LYPLAL1: variants seen among roughly 807,000 people sequenced by gnomAD.
LYPLAL1 encodes lysophospholipase-like protein 1.
Under a neutral mutation model 19.7 loss-of-function variants are expected in LYPLAL1, and 23 were observed. That is an observed-to-expected ratio of 1.17 (90% CI 0.84 to 1.65). LYPLAL1 has a LOEUF of 1.65. LYPLAL1 is among the 40% of genes most tolerant of loss of function. The pLI is 0.00. For missense variants in LYPLAL1, 355 were observed against 279.4 expected (o/e 1.27, Z -1.93); for synonymous variants, 119 against 96.3 (o/e 1.24, Z -1.38).
chr1:219,257,869 AG>A, the LYPLAL1 span, among the ~76,000 whole-genome samples: 1 of 152,038 alleles, frequency 6.6e-6, no homozygotes, highest in African/African-American at 2.4e-5. Context: ...GCAGGAGACC[AG>A]GGCATATTTC....
rs781264234 is a variant in LYPLAL1, at chr1:219,173,934, C to T, written c.44C>T (p.Ser15Leu). 3 of 1,613,778 alleles carry T rather than the reference C, an allele frequency of 1.9e-6. No homozygotes were observed. The highest frequency in any genetic ancestry group is 1.7e-5 in the Admixed American group (1 of 60,012). ...TCGGTTCTGCAGCGCTGTATCGTGTCGCCGGCAGGGAGGCATAGCGCCTCT... is the reference window on the plus strand; with the variant it reads ...TCGGTTCTGCAGCGCTGTATCGTGTTGCCGGCAGGGAGGCATAGCGCCTCT... Reference protein sequence around the residue: ...SGSVLQRCIVSPAGRHSASLI... With the variant: ...SGSVLQRCIVLPAGRHSASLI... The change falls in exon 1 of 5, where the codon TCG becomes TTG. Residue 15 changes from serine to leucine, a missense_variant. Ser to Leu is a moderately radical substitution (Grantham distance 145). Transcript: ENST00000366928.
At chr1:219,269,984 C>G in the LYPLAL1 span, among the ~76,000 whole-genome samples, 1 of 152,154 alleles carries the variant, frequency 6.6e-6, no homozygotes, top group African/African-American at 2.4e-5. Context: ...GGCTATAATA[C>G]TTGATTGAGA....
the LYPLAL1 span, among the ~76,000 whole-genome samples, chr1:219,293,885 C>T: frequency 0.32 from 49,037 of 152,064 alleles, 8,363 homozygotes; most frequent in East Asian, 0.6. Context: ...ACAATAAAAA[C>T]ATCCATTACA....
In LYPLAL1 at chr1:219,199,775, C is replaced by T. The variant is rs571543586; in HGVS notation, c.361+6524C>T. ...GACTACAGGCGCCTGCCACCACGCC[C>T]GGCTAATTTTTTGTATTTTTGTGGA... On this transcript the variant is annotated intron_variant, in intron 3 of 4. Coordinates refer to ENST00000366928, the MANE Select transcript of LYPLAL1 (RefSeq NM_138794.5). The T allele has an allele frequency of 1.2e-4, 19 of 153,470 alleles. No homozygotes were observed. In the East Asian group the frequency reaches 2.1e-3, roughly 17 times the overall value. The allele number at this position is 153,470 out of a possible 1,614,324, so 9.5% of individuals were successfully genotyped here.
At chr1:219,373,893 A>AC in the LYPLAL1 span, among the ~76,000 whole-genome samples, 15 of 132,148 alleles carry the variant, frequency 1.1e-4, no homozygotes, top group South Asian at 2.5e-4. Flanking sequence ...AAAAAAAAAA[A>AC]CACAAAAACC....
At chr1:219,301,157 T>TA in the LYPLAL1 span, among the ~76,000 whole-genome samples, 130 of 150,710 alleles carry the variant, frequency 8.6e-4, no homozygotes, top group Non-Finnish European at 1.5e-3. Context: ...TCTTCAGCAG[T>TA]AAAATTCCAC....
chr1:219,204,490 G>A (rs554531866), intron 3 of LYPLAL1, among the ~76,000 whole-genome samples: 47 of 152,256 alleles, frequency 3.1e-4, no homozygotes, highest in African/African-American at 1.0e-3. Flanking sequence ...CTGGAGAAAG[G>A]TATATCATTT....
chr1:219,203,297 T>A (rs1361478837), intron 3 of LYPLAL1, among the ~76,000 whole-genome samples: 1 of 152,114 alleles, frequency 6.6e-6, no homozygotes, highest in East Asian at 1.9e-4. Flanking sequence ...ACAAACTTTT[T>A]TTTTTTTTTT....
At chr1:219,441,946 G>A in the LYPLAL1 span, among the ~76,000 whole-genome samples, 1 of 152,144 alleles carries the variant, frequency 6.6e-6, no homozygotes, top group East Asian at 1.9e-4. Flanking sequence ...GAATCAAAAT[G>A]AGAGCAATTC....
the LYPLAL1 span, among the ~76,000 whole-genome samples, chr1:219,415,401 G>A: frequency 6.6e-6 from 1 of 152,198 alleles, no homozygotes; most frequent in South Asian, 2.1e-4. Flanking sequence ...AAATAATGCA[G>A]TGATACATTC....
the LYPLAL1 span, among the ~76,000 whole-genome samples, chr1:219,403,787 T>C: frequency 6.6e-6 from 1 of 152,218 alleles, no homozygotes; most frequent in Non-Finnish European, 1.5e-5. Flanking sequence ...TTCTCATCCA[T>C]GCAGTGAGAA....
the LYPLAL1 span, among the ~76,000 whole-genome samples, chr1:219,221,369 T>C: frequency 6.6e-6 from 1 of 152,156 alleles, no homozygotes; most frequent in African/African-American, 2.4e-5. Flanking sequence ...GCTGCATCTT[T>C]TCATGTAGCA....
rs578091097 is a variant in LYPLAL1, at chr1:219,178,149, C to T, written c.92-998C>T. On this transcript the variant is annotated intron_variant, in intron 1 of 4. Coordinates refer to ENST00000366928, the MANE Select transcript of LYPLAL1 (RefSeq NM_138794.5). ...TAACTCAGATAAAATACATCATAAA[C>T]TTCCTCTTGCAGAGTTTATAGGCTA... 5.3e-5 allele frequency among the ~76,000 whole-genome samples: 8 copies of T among 152,338 alleles called. No homozygotes were observed. The Middle Eastern group carries it at 0.01, about 194-fold the overall frequency.
At chr1:219,354,573 C>T in the LYPLAL1 span, among the ~76,000 whole-genome samples, 1 of 152,088 alleles carries the variant, frequency 6.6e-6, no homozygotes, top group Non-Finnish European at 1.5e-5. Flanking sequence ...ATAACCAAAG[C>T]AAACAACACC....
the LYPLAL1 span, among the ~76,000 whole-genome samples, chr1:219,337,389 T>C: frequency 2.6e-5 from 4 of 151,792 alleles, no homozygotes; most frequent in Non-Finnish European, 5.9e-5. Flanking sequence ...TATTGTGATA[T>C]AGAAAATATC....
At chr1:219,404,910 A>G in the LYPLAL1 span, among the ~76,000 whole-genome samples, 2 of 152,182 alleles carry the variant, frequency 1.3e-5, no homozygotes, top group African/African-American at 4.8e-5. Flanking sequence ...TTACAATTTC[A>G]TCCAGGACAG....
the LYPLAL1 span, among the ~76,000 whole-genome samples, chr1:219,399,382 G>A: frequency 1.1e-3 from 170 of 152,286 alleles, 1 homozygote; most frequent in African/African-American, 3.1e-3. Context: ...TGGGGGTGTG[G>A]CTCTGTGCCA....
chr1:219,434,028 T>C, the LYPLAL1 span, among the ~76,000 whole-genome samples: 1 of 151,948 alleles, frequency 6.6e-6, no homozygotes, highest in East Asian at 1.9e-4. Flanking sequence ...ATGCCTCCAG[T>C]AGAATTTTAA....
chr1:219,299,946 C>T, the LYPLAL1 span, among the ~76,000 whole-genome samples: 1 of 152,154 alleles, frequency 6.6e-6, no homozygotes, highest in Non-Finnish European at 1.5e-5. Flanking sequence ...TGGGACTCAA[C>T]CTACCAGGGT....
Sources: allele counts gnomAD v4.1 joint callset (sites outside exome capture counted in the v4.1 genomes callset), GRCh38; gene constraint gnomAD v4.1.1; transcripts MANE v1.5; gene names NCBI Gene and HGNC (gene_info 2026-07-23, HGNC 2026-07-21).